PDE3A: variants seen among roughly 807,000 people sequenced by gnomAD.
The protein encoded by PDE3A is cGMP-inhibited 3',5'-cyclic phosphodiesterase 3A.
In PDE3A, 43 loss-of-function variants were observed where a neutral mutation model predicts 98.3. The observed-to-expected ratio is 0.44, with a 90% CI of 0.34 to 0.56. The LOEUF (loss-of-function observed/expected upper bound fraction) is 0.56, where lower values mean the gene tolerates loss of function less well. Ranked by LOEUF, PDE3A falls within the 20% of genes least tolerant of loss-of-function variation. The pLI, the probability that PDE3A is intolerant of heterozygous loss-of-function variation, is 0.01. For synonymous variants in PDE3A, 663 were observed against 567.9 expected, an observed-to-expected ratio of 1.17 and a Z score of -2.38; for missense variants, 1,427 against 1,440.7, an observed-to-expected ratio of 0.99 and a Z score of 0.15.
chr12:20,649,974 G>A (rs1359348866), intron 13 of PDE3A, among the ~76,000 whole-genome samples: 1 of 151,894 alleles, frequency 6.6e-6, no homozygotes, highest in Non-Finnish European at 1.5e-5. Flanking sequence ...ATTTAAAAAA[G>A]CATTTGTTGC....
intron 1 of PDE3A, among the ~76,000 whole-genome samples, chr12:20,476,872 AATT>A (rs1275978876): frequency 6.6e-6 from 1 of 152,214 alleles, no homozygotes; most frequent in Non-Finnish European, 1.5e-5. Flanking sequence ...ATACATTGAA[AATT>A]ATTAAGAATA....
chr12:20,659,492 A>G (rs1945111777), intron 15 of PDE3A, among the ~76,000 whole-genome samples: 1 of 151,962 alleles, frequency 6.6e-6, no homozygotes, highest in South Asian at 2.1e-4. Context: ...TTGCTCCCAG[A>G]GTAAGTCATA....
chr12:20,496,570 G>A (rs1369638700), intron 1 of PDE3A, among the ~76,000 whole-genome samples: 1 of 151,404 alleles, frequency 6.6e-6, no homozygotes, highest in Non-Finnish European at 1.5e-5. Context: ...CTACCTCATG[G>A]GCCAAATTCT....
chr12:20,633,643 A>T, intron 6 of PDE3A, 50 bp from the exon 7 acceptor site: 1 of 1,023,160 alleles, frequency 9.8e-7, no homozygotes, highest in East Asian at 2.4e-5. Context: ...TGTGCCTATG[A>T]CTTTTTGAAA....
Position 20,680,180 on chromosome 12 carries a change from C to T in PDE3A, c.3335C>T (p.Ser1112Phe), listed in dbSNP as rs1057135686. Residue 1112 changes from serine (S) to phenylalanine (F), a missense_variant, in exon 16 of 16, where the codon TCT becomes TTT. Physicochemically the swap from Ser to Phe is radical, Grantham distance 155. This residue lies in a region of PDE3A where 142 missense variants were observed against 133.9 expected (regional missense o/e 1.06). Transcript: ENST00000359062. Reference sequence around the variant, plus strand: ...CTGGACCAGACCCCTCAGTCGCACTCTTCAGAACAGATCCAGGCTATCAAG... The same window carrying T: ...CTGGACCAGACCCCTCAGTCGCACTTTTCAGAACAGATCCAGGCTATCAAG... ...QSLDQTPQSH[S>F]SEQIQAIKEE... 6.2e-7 allele frequency: 1 copy of T among 1,613,748 alleles called. No homozygotes were observed. Among genetic ancestry groups the T allele is most frequent in the Non-Finnish European group, 8.5e-7 (1 of 1,179,790 alleles).
At chr12:20,673,808 C>A (rs1458955513) in intron 15 of PDE3A, among the ~76,000 whole-genome samples, 4 of 149,572 alleles carry the variant, frequency 2.7e-5, no homozygotes, top group Non-Finnish European at 5.9e-5. Flanking sequence ...TGTAACTAAC[C>A]TGCACAATGT....
intron 15 of PDE3A, among the ~76,000 whole-genome samples, chr12:20,666,535 G>A (rs1297954788): frequency 1.1e-5 from 1 of 92,450 alleles, no homozygotes; most frequent in Non-Finnish European, 2.5e-5. Flanking sequence ...TGAGATATTT[G>A]TCTTTATTGC....
intron 2 of PDE3A, among the ~76,000 whole-genome samples, chr12:20,570,980 C>A (rs1285219302): frequency 3.3e-5 from 5 of 152,120 alleles, no homozygotes; most frequent in Non-Finnish European, 7.3e-5. Context: ...TTAGATGAAA[C>A]TAGAAAAGTC....
intron 1 of PDE3A, among the ~76,000 whole-genome samples, chr12:20,468,693 T>A (rs1945385617): frequency 6.6e-6 from 1 of 152,200 alleles, no homozygotes; most frequent in Non-Finnish European, 1.5e-5. Flanking sequence ...TTGTGACTTT[T>A]AACCTAACTT....
intron 2 of PDE3A, among the ~76,000 whole-genome samples, chr12:20,604,155 C>T (rs537399495): frequency 2.1e-5 from 3 of 142,398 alleles, no homozygotes; most frequent in African/African-American, 5.3e-5. Flanking sequence ...GGCCATAGAG[C>T]GAGACTCCAT....
At chr12:20,508,092 C>A (rs1455363513) in intron 1 of PDE3A, among the ~76,000 whole-genome samples, 1 of 152,058 alleles carries the variant, frequency 6.6e-6, no homozygotes, top group African/African-American at 2.4e-5. Context: ...TACTCCAATG[C>A]AGCTATACTT....
intron 1 of PDE3A, among the ~76,000 whole-genome samples, chr12:20,478,805 T>C (rs1212727922): frequency 6.6e-6 from 1 of 152,194 alleles, no homozygotes; most frequent in Non-Finnish European, 1.5e-5. Flanking sequence ...TTAATTCTAA[T>C]GTAAAATAGT....
intron 1 of PDE3A, among the ~76,000 whole-genome samples, chr12:20,433,097 A>G (rs1397718743): frequency 1.3e-5 from 2 of 152,130 alleles, no homozygotes; most frequent in Non-Finnish European, 2.9e-5. Flanking sequence ...ATGAAGAGTG[A>G]GGAAGAATTT....
chr12:20,409,071 A>C (rs951940686), intron 1 of PDE3A, among the ~76,000 whole-genome samples: 18 of 152,176 alleles, frequency 1.2e-4, no homozygotes, highest in African/African-American at 4.3e-4. Context: ...TCTGATCCAA[A>C]CTATTGACAG....
At chr12:20,561,275 A>G (rs940312652) in intron 2 of PDE3A, among the ~76,000 whole-genome samples, 1 of 152,120 alleles carries the variant, frequency 6.6e-6, no homozygotes, top group Admixed American at 6.6e-5. Flanking sequence ...AGATATTTCT[A>G]ATAGAAAGAG....
In PDE3A at chr12:20,368,622, C is replaced by T. The variant is rs1465146744; in HGVS notation, c.-663C>T. The stretch of plus-strand genomic sequence containing the variant: ...CCTTGTCCATTTTTTTTTTTCCATC[C>T]TTTGCCATGAATTGGATTGACAGAG... On this transcript the variant is annotated 5_prime_UTR_variant, in exon 1 of 16. Coordinates refer to ENST00000359062, the MANE Select transcript of PDE3A (RefSeq NM_000921.5). 1.3e-5 allele frequency among the ~76,000 whole-genome samples: 2 copies of T among 151,638 alleles called. No homozygotes were observed. Among genetic ancestry groups the T allele is most frequent in the Non-Finnish European group, 2.9e-5 (2 of 67,862 alleles).
chr12:20,610,776 A>T (rs1164659907), intron 2 of PDE3A, among the ~76,000 whole-genome samples: 2 of 151,984 alleles, frequency 1.3e-5, no homozygotes, highest in East Asian at 3.9e-4. Flanking sequence ...GAGTAAAATA[A>T]GCCAGACACA....
chr12:20,458,095 T>C, intron 1 of PDE3A, among the ~76,000 whole-genome samples: 1 of 151,766 alleles, frequency 6.6e-6, no homozygotes, highest in Non-Finnish European at 1.5e-5. Flanking sequence ...TTCATCATTT[T>C]GTATATGTTC....
At chr12:20,509,561 G>A in intron 1 of PDE3A, among the ~76,000 whole-genome samples, 1 of 151,974 alleles carries the variant, frequency 6.6e-6, no homozygotes, top group East Asian at 1.9e-4. Context: ...GAATAAGTTG[G>A]TAGGAAAACT....
Sources: gnomAD v4.1 joint callset for allele counts (sites outside exome capture counted in the v4.1 genomes callset) on GRCh38, gnomAD v4.1.1 for gene constraint, gnomAD v4.1.1 regional missense constraint, MANE v1.5 for transcripts, NCBI Gene and HGNC (gene_info 2026-07-23, HGNC 2026-07-21) for gene names.